The following KIRREL3 variants were observed in gnomAD, a reference collection of about 807,000 sequenced individuals.
The protein encoded by KIRREL3 is kin of IRRE-like protein 3.
KIRREL3 carries 36 observed loss-of-function variants against 89.7 expected under a neutral mutation model. The ratio of observed to expected loss-of-function variants is 0.40; its 90% CI spans 0.31 to 0.53. KIRREL3 has a LOEUF of 0.53. Ranked by LOEUF, KIRREL3 falls within the 20% of genes least tolerant of loss-of-function variation. The probability of loss-of-function intolerance (pLI) is 0.49; values close to 1 mark genes in which losing one functional copy is unlikely to be tolerated. For missense variants in KIRREL3, 864 were observed against 1,056.6 expected (o/e 0.82, Z 2.53); for synonymous variants, 445 against 441.4 (o/e 1.01, Z -0.10).
chr11:126,457,752 G>C (rs1788477560), intron 6 of KIRREL3, among the ~76,000 whole-genome samples: 1 of 152,172 alleles, frequency 6.6e-6, no homozygotes. Flanking sequence ...AGCAGAAAAG[G>C]CCACGGAGAC....
chr11:126,880,149 C>A (rs1592272083), intron 1 of KIRREL3, among the ~76,000 whole-genome samples: 1 of 152,190 alleles, frequency 6.6e-6, no homozygotes, highest in South Asian at 2.1e-4. Flanking sequence ...GCCTATTTGA[C>A]CTTGGGTGCG....
chr11:126,650,864 G>C (rs764672411), intron 1 of KIRREL3, among the ~76,000 whole-genome samples: 9 of 152,136 alleles, frequency 5.9e-5, no homozygotes, highest in Non-Finnish European at 5.9e-5. Context: ...AGACTGGGAA[G>C]AAAAAGAGGT....
chr11:126,831,121 A>G (rs1540248), intron 1 of KIRREL3, among the ~76,000 whole-genome samples: 131,422 of 152,216 alleles, frequency 0.86, 57,089 homozygotes, highest in East Asian at 1. Context: ...GTCTGCACCT[A>G]TAAAACAGGG....
At chr11:126,974,480 A>C (rs1332720090) in intron 1 of KIRREL3, among the ~76,000 whole-genome samples, 1 of 136,526 alleles carries the variant, frequency 7.3e-6, no homozygotes, top group African/African-American at 2.8e-5. Context: ...AGCCCGTTAC[A>C]CACCTAGGCT....
intron 1 of KIRREL3, among the ~76,000 whole-genome samples, chr11:126,760,772 T>G (rs1279123125): frequency 6.6e-6 from 1 of 152,234 alleles, no homozygotes; most frequent in Non-Finnish European, 1.5e-5. Flanking sequence ...GGCAAACCAC[T>G]TCTCTCTCTG....
At chr11:126,819,217 C>A (rs1042306696) in intron 1 of KIRREL3, among the ~76,000 whole-genome samples, 16 of 152,140 alleles carry the variant, frequency 1.1e-4, no homozygotes, top group African/African-American at 3.6e-4. Flanking sequence ...GTCCGGTCAG[C>A]CAGGCTCAGC....
intron 1 of KIRREL3, chr11:126,935,063 A>AAG (rs1948125600): frequency 6.6e-6 from 1 of 151,722 alleles, no homozygotes; most frequent in African/African-American, 2.4e-5. Context: ...TAAAAAAAAA[A>AAG]AAAAAAGAGC....
chr11:126,600,741 T>C (rs1942615900), intron 1 of KIRREL3, among the ~76,000 whole-genome samples: 1 of 152,182 alleles, frequency 6.6e-6, no homozygotes, highest in Non-Finnish European at 1.5e-5. Flanking sequence ...AATTTGAATT[T>C]TTGCCAGAAT....
intron 1 of KIRREL3, among the ~76,000 whole-genome samples, chr11:126,711,603 T>C (rs1474764611): frequency 6.6e-6 from 1 of 152,150 alleles, no homozygotes; most frequent in Non-Finnish European, 1.5e-5. Flanking sequence ...ATTTATTACA[T>C]GAGTAGCTCC....
chr11:126,457,142 G>A (rs569528263), intron 6 of KIRREL3, among the ~76,000 whole-genome samples: 1 of 151,494 alleles, frequency 6.6e-6, no homozygotes, highest in South Asian at 2.1e-4. Context: ...AGCGAGACAT[G>A]TACATAGAGG....
rs767265636 is a variant in KIRREL3, at chr11:126,463,347, C to T, written c.592-40G>A. On this transcript the variant is annotated intron_variant, in intron 5 of 16. Transcript: ENST00000525144. This position sits in a 1 kb window ranked among gnomAD's most constrained non-coding sequence, Gnocchi z 5.9. The stretch of plus-strand genomic sequence containing the variant: ...AAAGGGGAGAGAAAGCTCCATGTCG[C>T]TTGGCTGGGGTGGCCAGCCTGGGTT... 32 of 1,591,760 alleles carry T rather than the reference C, an allele frequency of 2.0e-5. No homozygotes were observed. The East Asian group carries it at 5.4e-4, about 27-fold the overall frequency.
Position 126,565,729 on chromosome 11 carries a change from A to G in KIRREL3, c.56-2817T>C, listed in dbSNP as rs1940469300. On this transcript the variant is annotated intron_variant, in intron 1 of 16. Coordinates refer to ENST00000525144, the MANE Select transcript of KIRREL3 (RefSeq NM_032531.4). This position sits in a 1 kb window ranked among gnomAD's most constrained non-coding sequence, Gnocchi z 5.4. Reference sequence around the variant, plus strand: ...CTAAATTAAAGGTCATTGGGTTCACATGAGTGTGCCAGCAGGGAGTGAAGT... The same window carrying G: ...CTAAATTAAAGGTCATTGGGTTCACGTGAGTGTGCCAGCAGGGAGTGAAGT... Among the ~76,000 whole-genome samples the G allele has an allele frequency of 6.6e-6, 1 of 152,152 alleles. No individual in the cohort carries two copies. Among genetic ancestry groups the G allele is most frequent in the Admixed American group, 6.5e-5 (1 of 15,276 alleles).
Position 126,541,987 on chromosome 11 carries a change from C to G in KIRREL3, c.134-15300G>C, listed in dbSNP as rs779190859. Among the ~76,000 whole-genome samples, 1 of 152,206 alleles carries G rather than the reference C, an allele frequency of 6.6e-6. No homozygotes were observed. The highest frequency in any genetic ancestry group is 2.4e-5 in the African/African-American group (1 of 41,448). ...CAGAGCTGAGGCAGCGCGGGAAGGA[C>G]CGAGTCCTGCCCTCGGCAGCCCTGC... is the stretch of plus-strand genomic sequence containing the variant. On this transcript the variant is annotated intron_variant, in intron 2 of 16. Transcript: ENST00000525144. The surrounding 1 kb of genome is among the most constrained non-coding windows in gnomAD (Gnocchi z 4.8).
intron 4 of KIRREL3, among the ~76,000 whole-genome samples, chr11:126,497,176 G>A (rs1039798517): frequency 2.2e-5 from 3 of 134,664 alleles, no homozygotes; most frequent in African/African-American, 8.7e-5. Flanking sequence ...ATGTGTAAGA[G>A]AGTGTGTGAG....
chr11:126,942,940 A>T (rs1206175129), intron 1 of KIRREL3, among the ~76,000 whole-genome samples: 1 of 152,178 alleles, frequency 6.6e-6, no homozygotes, highest in East Asian at 1.9e-4. Flanking sequence ...GCTCGTTAAC[A>T]TGCAGGCAGT....
chr11:126,570,533 C>T lies in KIRREL3; in HGVS notation c.56-7621G>A, dbSNP rs1940847430. On this transcript the variant is annotated intron_variant, in intron 1 of 16. Transcript: ENST00000525144. This position sits in a 1 kb window ranked among gnomAD's most constrained non-coding sequence, Gnocchi z 6.1. Reference sequence around the variant, plus strand: ...GACCCGCCAGCCCATCTCACCAGCTCCAGCAGGCAGCAAGCCTCCCTCACA... The same window carrying T: ...GACCCGCCAGCCCATCTCACCAGCTTCAGCAGGCAGCAAGCCTCCCTCACA... 6.6e-6 allele frequency among the ~76,000 whole-genome samples: 1 copy of T among 152,222 alleles called. No individual in the cohort carries two copies. The highest frequency in any genetic ancestry group is 1.5e-5 in the Non-Finnish European group (1 of 68,044).
intron 1 of KIRREL3, among the ~76,000 whole-genome samples, chr11:126,591,692 C>T (rs1942140939): frequency 6.6e-6 from 1 of 152,194 alleles, no homozygotes; most frequent in Non-Finnish European, 1.5e-5. Flanking sequence ...GGGTGAGGAA[C>T]AGGAGCACTA....
At position 126,682,392 on chromosome 11, in the gene KIRREL3, G is replaced by C. The variant is rs1375732821; in HGVS notation, c.56-119480C>G. 6.6e-6 allele frequency among the ~76,000 whole-genome samples: 1 copy of C among 152,118 alleles called. No homozygotes were observed. The highest frequency in any genetic ancestry group is 1.5e-5 in the Non-Finnish European group (1 of 68,002). Reference sequence around the variant, plus strand: ...AGGATGATAATATCCTCCTCCCAGTGTTGCTGGGAGGATGAAGTGAGATGA... The same window carrying C: ...AGGATGATAATATCCTCCTCCCAGTCTTGCTGGGAGGATGAAGTGAGATGA... On this transcript the variant is annotated intron_variant, in intron 1 of 16. Coordinates refer to ENST00000525144, the MANE Select transcript of KIRREL3 (RefSeq NM_032531.4). The surrounding 1 kb of genome is among the most constrained non-coding windows in gnomAD (Gnocchi z 4.8).
rs1250969968 is a variant in KIRREL3, at chr11:126,687,693, G to A, written c.56-124781C>T. On this transcript the variant is annotated intron_variant, in intron 1 of 16. Coordinates refer to ENST00000525144, the MANE Select transcript of KIRREL3 (RefSeq NM_032531.4). This position sits in a 1 kb window ranked among gnomAD's most constrained non-coding sequence, Gnocchi z 4.6. ...TTACATTGCACTCTCCTACATGCCA[G>A]GCATTGTTTTGGATGCTGGGGATAC... Among the ~76,000 whole-genome samples, 1 of 152,204 alleles carries A rather than the reference G, an allele frequency of 6.6e-6. No individual in the cohort carries two copies. Among genetic ancestry groups the A allele is most frequent in the African/African-American group, 2.4e-5 (1 of 41,448 alleles).
Sources: allele counts gnomAD v4.1 joint callset (sites outside exome capture counted in the v4.1 genomes callset), GRCh38; gene constraint gnomAD v4.1.1; non-coding constraint Gnocchi (gnomAD v3.1); transcripts MANE v1.5; gene names NCBI Gene and HGNC (gene_info 2026-07-23, HGNC 2026-07-21).